The following FAM135B variants were observed in gnomAD, a reference collection of about 807,000 sequenced individuals.
FAM135B encodes the protein family with sequence similarity 135 member B, also known as protein FAM135B.
A neutral mutation model predicts 127.7 loss-of-function variants in FAM135B; 43 were observed. The observed-to-expected ratio is 0.34, with a 90% CI of 0.26 to 0.43. The LOEUF (loss-of-function observed/expected upper bound fraction) is 0.43. Ranked by LOEUF, FAM135B falls within the 20% of genes least tolerant of loss-of-function variation. The pLI, the probability that FAM135B is intolerant of heterozygous loss-of-function variation, is 1.00. For missense variants in FAM135B, 1,558 were observed against 1,725.6 expected (o/e 0.90, Z 1.72); for synonymous variants, 670 against 665.1 (o/e 1.01, Z -0.11).
chr8:138,360,174 G>T (rs555807111), intron 2 of FAM135B, among the ~76,000 whole-genome samples: 2 of 152,274 alleles, frequency 1.3e-5, no homozygotes, highest in South Asian at 4.1e-4. Flanking sequence ...TTAGAGTTTT[G>T]TCTGAATTAA....
intron 1 of FAM135B, among the ~76,000 whole-genome samples, chr8:138,492,476 G>C (rs1318932448): frequency 6.6e-6 from 1 of 152,004 alleles, no homozygotes; most frequent in Non-Finnish European, 1.5e-5. Flanking sequence ...TCGCTAACCT[G>C]GCCTCTATCA....
intron 3 of FAM135B, among the ~76,000 whole-genome samples, chr8:138,280,323 C>T (rs969183182): frequency 6.6e-6 from 1 of 152,048 alleles, no homozygotes; most frequent in Non-Finnish European, 1.5e-5. Flanking sequence ...CCTGCATCCT[C>T]AGAAGCACTT....
At chr8:138,160,395 A>T (rs1043189443) in intron 12 of FAM135B, among the ~76,000 whole-genome samples, 21 of 150,886 alleles carry the variant, frequency 1.4e-4, no homozygotes, top group Admixed American at 3.3e-4. Flanking sequence ...TTATTTATTT[A>T]TTTTTTCTTT....
chr8:138,357,147 C>CTAA (rs140206567), intron 2 of FAM135B, among the ~76,000 whole-genome samples: 4,904 of 151,884 alleles, frequency 0.032, 154 homozygotes, highest in East Asian at 0.17. Context: ...GAATAGTTTC[C>CTAA]TAAAGAAAAA....
intron 9 of FAM135B, among the ~76,000 whole-genome samples, chr8:138,190,059 C>T (rs116697915): frequency 0.015 from 2,348 of 152,264 alleles, 52 homozygotes; most frequent in African/African-American, 0.05. Context: ...GACAGCCCCT[C>T]GTCTGCTCCG....
At chr8:138,144,065 C>G (rs1230676717) in intron 15 of FAM135B, among the ~76,000 whole-genome samples, 1 of 152,214 alleles carries the variant, frequency 6.6e-6, no homozygotes, top group African/African-American at 2.4e-5. Context: ...CCATCTAAAC[C>G]TCAGTCTCCT....
At chr8:138,495,772 C>T (rs954668956) in intron 1 of FAM135B, among the ~76,000 whole-genome samples, 1 of 152,214 alleles carries the variant, frequency 6.6e-6, no homozygotes, top group African/African-American at 2.4e-5. Flanking sequence ...ACTGTATGGA[C>T]AGCCCAGGTG....
intron 1 of FAM135B, among the ~76,000 whole-genome samples, chr8:138,452,356 G>T (rs913585533): frequency 4.0e-5 from 6 of 151,872 alleles, no homozygotes; most frequent in Non-Finnish European, 8.8e-5. Flanking sequence ...CCTGACCTCA[G>T]GTGATCCACC....
intron 1 of FAM135B, among the ~76,000 whole-genome samples, chr8:138,406,552 T>G (rs1833507116): frequency 6.6e-6 from 1 of 152,028 alleles, no homozygotes; most frequent in African/African-American, 2.4e-5. Context: ...ATCAAAAAGC[T>G]TATCCACCAT....
In FAM135B at chr8:138,344,867, G is replaced by A. The variant is rs192872667; in HGVS notation, c.77+23040C>T. On this transcript the variant is annotated intron_variant, in intron 2 of 19. Transcript: ENST00000395297. ...TGGGATTACAGGCGTGAGCCACCGC[G>A]CCTGGCTTCTTGCTACACTTTCTAT... 1.8e-4 allele frequency among the ~76,000 whole-genome samples: 28 copies of A among 152,186 alleles called. 1 individual carries two copies. Among genetic ancestry groups the A allele is most frequent in the Admixed American group, 1.2e-3 (19 of 15,284 alleles).
chr8:138,401,046 T>A (rs191061834), intron 1 of FAM135B, among the ~76,000 whole-genome samples: 1 of 152,294 alleles, frequency 6.6e-6, no homozygotes, highest in Admixed American at 6.5e-5. Context: ...ATCCTCTAAT[T>A]GGGCATTTAT....
At position 138,243,451 on chromosome 8, in the gene FAM135B, C is replaced by T. The variant is rs1378390683; in HGVS notation, c.543-383G>A. The stretch of plus-strand genomic sequence containing the variant: ...AGACAAGGTCTGAGTCCTGTCCCTG[C>T]TCCTTCCACCAACTCCTCCCTCCCT... On this transcript the variant is annotated intron_variant, in intron 6 of 19. Transcript: ENST00000395297. This position sits in a 1 kb window ranked among gnomAD's most constrained non-coding sequence, Gnocchi z 7.5. Among the ~76,000 whole-genome samples, 1 of 152,192 alleles carries T rather than the reference C, an allele frequency of 6.6e-6. No homozygotes were observed. The highest frequency in any genetic ancestry group is 1.5e-5 in the Non-Finnish European group (1 of 68,044).
chr8:138,259,511 A>G (rs983089117), intron 4 of FAM135B, among the ~76,000 whole-genome samples: 1 of 152,172 alleles, frequency 6.6e-6, no homozygotes, highest in Non-Finnish European at 1.5e-5. Context: ...TCACAACTGA[A>G]CTGACAATTC....
At chr8:138,217,517 G>A (rs1395144949) in intron 7 of FAM135B, among the ~76,000 whole-genome samples, 6 of 145,360 alleles carry the variant, frequency 4.1e-5, no homozygotes, top group African/African-American at 1.0e-4. Context: ...TGCAAGCTCC[G>A]CCTCCCAGGT....
Position 138,243,349 on chromosome 8 carries a change from T to C in FAM135B, c.543-281A>G, listed in dbSNP as rs1821003355. On this transcript the variant is annotated intron_variant, in intron 6 of 19. Transcript: ENST00000395297. This position sits in a 1 kb window ranked among gnomAD's most constrained non-coding sequence, Gnocchi z 7.5. The stretch of plus-strand genomic sequence containing the variant: ...CCAACAACATACCTGTAAGAAACAC[T>C]GAAGCAGAGCTCCAAGCTTATATCA... Among the ~76,000 whole-genome samples the C allele has an allele frequency of 6.6e-6, 1 of 152,178 alleles. No individual in the cohort carries two copies. The highest frequency in any genetic ancestry group is 6.5e-5 in the Admixed American group (1 of 15,278).
intron 1 of FAM135B, among the ~76,000 whole-genome samples, chr8:138,487,632 T>TGGG (rs1182402650): frequency 7.4e-6 from 1 of 134,540 alleles, no homozygotes; most frequent in African/African-American, 2.9e-5. Flanking sequence ...CCTAGGTGTG[T>TGGG]GTGGGGGTGG....
intron 1 of FAM135B, among the ~76,000 whole-genome samples, chr8:138,389,584 A>G (rs927644812): frequency 6.6e-6 from 1 of 152,252 alleles, no homozygotes; most frequent in Non-Finnish European, 1.5e-5. Flanking sequence ...CAAACACTGT[A>G]TGATTTCATT....
At chr8:138,197,950 T>C (rs1397092838) in intron 7 of FAM135B, among the ~76,000 whole-genome samples, 1 of 152,084 alleles carries the variant, frequency 6.6e-6, no homozygotes, top group African/African-American at 2.4e-5. Flanking sequence ...ATAGCAACAA[T>C]AATAACGAAT....
At chr8:138,151,129 T>G in intron 13 of FAM135B, 65 bp downstream of exon 13, 1 of 1,278,842 alleles carries the variant, frequency 7.8e-7, no homozygotes, top group Non-Finnish European at 1.1e-6. Context: ...ATGCATGAAA[T>G]GGAGAAATAT....
Sources: allele counts gnomAD v4.1 joint callset (sites outside exome capture counted in the v4.1 genomes callset), GRCh38; gene constraint gnomAD v4.1.1; non-coding constraint Gnocchi (gnomAD v3.1); transcripts MANE v1.5; gene names NCBI Gene and HGNC (gene_info 2026-07-23, HGNC 2026-07-21).